Variants in VEPH1 observed in about 807,000 individuals in gnomAD.
The protein encoded by VEPH1 is ventricular zone-expressed PH domain-containing protein homolog 1.
In VEPH1, 80 loss-of-function variants were observed where a neutral mutation model predicts 85.2. The observed-to-expected ratio is 0.94, with a 90% CI of 0.78 to 1.13. VEPH1 has a LOEUF of 1.13. Ranked by LOEUF, VEPH1 falls within the 50% of genes most tolerant of loss-of-function variation. The pLI, the probability that VEPH1 is intolerant of heterozygous loss-of-function variation, is 0.00. For missense variants in VEPH1, 955 were observed against 980.5 expected (o/e 0.97, Z 0.35); for synonymous variants, 297 against 348.0 (o/e 0.85, Z 1.63).
intron 9 of VEPH1, among the ~76,000 whole-genome samples, chr3:157,344,507 C>A (rs1288041685): frequency 6.6e-6 from 1 of 152,112 alleles, no homozygotes; most frequent in African/African-American, 2.4e-5. Flanking sequence ...AACTACAAAC[C>A]ACTGCTCAAC....
At chr3:157,460,588 C>G (rs1340329613) in intron 3 of VEPH1, among the ~76,000 whole-genome samples, 1 of 152,072 alleles carries the variant, frequency 6.6e-6, no homozygotes, top group Non-Finnish European at 1.5e-5. Context: ...CCGAGATGGG[C>G]AAAAGGCAGG....
chr3:157,343,847 T>C (rs562175718), intron 9 of VEPH1, among the ~76,000 whole-genome samples: 1 of 152,324 alleles, frequency 6.6e-6, no homozygotes, highest in East Asian at 1.9e-4. Context: ...GTGGGTTTCA[T>C]CCCTGGGATG....
At chr3:157,460,476 G>T (rs1335250359) in intron 3 of VEPH1, 121 bp from the exon 4 acceptor site, 3 of 1,257,192 alleles carry the variant, frequency 2.4e-6, no homozygotes, top group Non-Finnish European at 2.1e-6. Context: ...GAAAACACAG[G>T]CCTTGCCCTG....
chr3:157,459,976 A>G, intron 4 of VEPH1: 1 of 1,538,012 alleles, frequency 6.5e-7, no homozygotes, highest in Non-Finnish European at 8.7e-7. Context: ...TAATGAGTCT[A>G]AGTAATTCAT....
chr3:157,374,918 T>G (rs993228089), intron 7 of VEPH1, among the ~76,000 whole-genome samples: 16 of 152,242 alleles, frequency 1.1e-4, no homozygotes, highest in East Asian at 5.8e-4. Flanking sequence ...CTGTAACTCT[T>G]ATCCACATTG....
intron 9 of VEPH1, among the ~76,000 whole-genome samples, chr3:157,359,914 C>T (rs1456394801): frequency 6.6e-6 from 1 of 152,162 alleles, no homozygotes; most frequent in East Asian, 1.9e-4. Flanking sequence ...TTTCTTAACA[C>T]TTTGTTGTTA....
At chr3:157,496,436 G>A (rs184316426) in intron 1 of VEPH1, among the ~76,000 whole-genome samples, 8 of 152,312 alleles carry the variant, frequency 5.3e-5, no homozygotes, top group Admixed American at 3.9e-4. Flanking sequence ...AATAGCTGTG[G>A]CAAGGATAGT....
chr3:157,427,779 A>T (rs547877740), intron 5 of VEPH1, among the ~76,000 whole-genome samples: 2 of 152,298 alleles, frequency 1.3e-5, no homozygotes, highest in African/African-American at 4.8e-5. Context: ...TTATGTGTCA[A>T]CTTGACTGGG....
chr3:157,341,479 A>G (rs1723553567), intron 9 of VEPH1, among the ~76,000 whole-genome samples: 1 of 152,228 alleles, frequency 6.6e-6, no homozygotes, highest in African/African-American at 2.4e-5. Flanking sequence ...TAGAGAAAAA[A>G]GGGTAAAAAG....
At chr3:157,453,669 A>T (rs771902054) in intron 4 of VEPH1, among the ~76,000 whole-genome samples, 2 of 152,212 alleles carry the variant, frequency 1.3e-5, no homozygotes, top group African/African-American at 2.4e-5. Context: ...AAGAAACCCC[A>T]TGATGACTCC....
chr3:157,502,124 C>T (rs1454185449), intron 1 of VEPH1, among the ~76,000 whole-genome samples: 1 of 152,180 alleles, frequency 6.6e-6, no homozygotes, highest in Admixed American at 6.5e-5. Context: ...CACTTCACTT[C>T]TACTGAAAGC....
At chr3:157,398,529 G>C (rs1169872337) in intron 6 of VEPH1, among the ~76,000 whole-genome samples, 1 of 152,128 alleles carries the variant, frequency 6.6e-6, no homozygotes, top group Non-Finnish European at 1.5e-5. Context: ...AGCTACTTAG[G>C]GGGCTGAGGC....
chr3:157,424,644 T>C (rs1231787222), intron 5 of VEPH1, among the ~76,000 whole-genome samples: 1 of 152,212 alleles, frequency 6.6e-6, no homozygotes, highest in Non-Finnish European at 1.5e-5. Context: ...ACGCTTGTTA[T>C]GTTTTAGCAA....
intron 11 of VEPH1, 102 bp from the exon 12 acceptor site, chr3:157,286,776 C>G: frequency 1.1e-6 from 1 of 937,994 alleles, no homozygotes; most frequent in Non-Finnish European, 1.7e-6. Context: ...GGTCAATGCT[C>G]AATCTCAGTA....
intron 3 of VEPH1, among the ~76,000 whole-genome samples, chr3:157,465,789 T>C (rs1481517508): frequency 6.6e-6 from 1 of 152,224 alleles, no homozygotes. Flanking sequence ...AAGTAGACAC[T>C]TTCTGATTTT....
intron 9 of VEPH1, among the ~76,000 whole-genome samples, chr3:157,343,904 TA>T (rs1295275888): frequency 6.6e-6 from 1 of 152,108 alleles, no homozygotes; most frequent in East Asian, 1.9e-4. Context: ...ATCCAGAATA[TA>T]AACAGAACCA....
chr3:157,496,649 A>T (rs911810609), intron 1 of VEPH1, among the ~76,000 whole-genome samples: 2 of 152,008 alleles, frequency 1.3e-5, no homozygotes, highest in South Asian at 4.2e-4. Context: ...AGGAGAATCT[A>T]TTGTTTCCTT....
chr3:157,288,594 G>A (rs193263344), intron 11 of VEPH1, among the ~76,000 whole-genome samples: 2 of 151,896 alleles, frequency 1.3e-5, no homozygotes, highest in East Asian at 1.9e-4. Context: ...TTTTACTAAC[G>A]AACTATATAA....
chr3:157,424,413 C>T (rs1476952036), intron 5 of VEPH1, among the ~76,000 whole-genome samples: 5 of 152,052 alleles, frequency 3.3e-5, no homozygotes. Context: ...TGAAAAGATA[C>T]CTGAAACTGT....
Sources: gnomAD v4.1 joint callset for allele counts (sites outside exome capture counted in the v4.1 genomes callset) on GRCh38, gnomAD v4.1.1 for gene constraint, MANE v1.5 for transcripts, NCBI Gene and HGNC (gene_info 2026-07-23, HGNC 2026-07-21) for gene names.